The following AXDND1 variants were observed in gnomAD, a reference collection of about 807,000 sequenced individuals.
AXDND1 encodes axonemal dynein light chain domain containing 1.
Under a neutral mutation model 137.5 loss-of-function variants are expected in AXDND1, and 110 were observed. That is an observed-to-expected ratio of 0.80 (90% CI 0.69 to 0.94). The LOEUF (loss-of-function observed/expected upper bound fraction) is 0.94, where lower values mean the gene tolerates loss of function less well. AXDND1 is among the 40% of genes least tolerant of loss of function. AXDND1 has a pLI of 0.00. For synonymous variants in AXDND1, 414 were observed against 399.7 expected (o/e 1.04, Z -0.43); for missense variants, 1,191 against 1,169.8 (o/e 1.02, Z -0.26).
intron 15 of AXDND1, among the ~76,000 whole-genome samples, chr1:179,438,537 C>T (rs1658545054): frequency 6.6e-6 from 1 of 152,120 alleles, no homozygotes; most frequent in South Asian, 2.1e-4. Context: ...ACCAAGGAAA[C>T]AATAGCAAAA....
intron 7 of AXDND1, 60 bp downstream of exon 7, chr1:179,382,816 T>C: frequency 7.7e-7 from 1 of 1,301,304 alleles, no homozygotes; most frequent in South Asian, 1.4e-5. Flanking sequence ...ACATACACAT[T>C]TCTTGGTACT....
intron 16 of AXDND1, chr1:179,456,741 C>G: frequency 1.3e-6 from 1 of 784,146 alleles, no homozygotes; most frequent in Non-Finnish European, 2.3e-6. Flanking sequence ...ACCAAAGTTT[C>G]CAGAACTACT....
Position 179,379,491 on chromosome 1 carries a change from T to C in AXDND1, c.581+9T>C, listed in dbSNP as rs182501965. On this transcript the variant is annotated intron_variant, in intron 6 of 25. Transcript: ENST00000367618. Reference sequence around the variant, plus strand: ...TTGGAGTGTTATGATGAGTGAGTACTATGATATGTAAAAAATACCTGCCCC... The same window carrying C: ...TTGGAGTGTTATGATGAGTGAGTACCATGATATGTAAAAAATACCTGCCCC... The C allele has an allele frequency of 2.3e-3, 3,663 of 1,608,598 alleles. 4 individuals are homozygous for C. Among genetic ancestry groups the C allele is most frequent in the Non-Finnish European group, 2.9e-3 (3,367 of 1,178,042 alleles).
chr1:179,483,820 C>T (rs1321075997), intron 18 of AXDND1, among the ~76,000 whole-genome samples: 2 of 151,994 alleles, frequency 1.3e-5, no homozygotes, highest in Non-Finnish European at 2.9e-5. Flanking sequence ...TTGTAAACTC[C>T]ATGAGGAATT....
At chr1:179,460,006 TCCTCTCCTTCCTTC>T (rs1168087514) in intron 16 of AXDND1, among the ~76,000 whole-genome samples, 4,024 of 136,818 alleles carry the variant, frequency 0.029, 229 homozygotes, top group African/African-American at 0.1. Context: ...CTTCCTTCCT[TCCTCTCCTTCCTTC>T]CTTCTTTCAT....
chr1:179,464,823 T>C (rs146243443), intron 16 of AXDND1, among the ~76,000 whole-genome samples: 9,564 of 152,258 alleles, frequency 0.063, 357 homozygotes, highest in African/African-American at 0.071. Context: ...CTTTTTACTC[T>C]TTTTTCTCTA....
chr1:179,551,580 T>C lies in AXDND1; in HGVS notation c.3032-2932T>C, dbSNP rs16854337. 5.4e-3 allele frequency: 5,597 copies of C among 1,045,750 alleles called. 218 individuals are homozygous for C. The African/African-American group carries it at 0.078, about 15-fold the overall frequency. 64.8% of individuals were successfully genotyped at this position (1,045,750 alleles called of 1,614,324 possible). ...GGCAAGCACGGTTAAGCATAGAACATGTTTATTCTTCTTTCTGAAGGGTCT... is the reference window on the plus strand; with the variant it reads ...GGCAAGCACGGTTAAGCATAGAACACGTTTATTCTTCTTTCTGAAGGGTCT... On this transcript the variant is annotated intron_variant, in intron 25 of 25. Coordinates refer to ENST00000367618, the MANE Select transcript of AXDND1 (RefSeq NM_144696.6).
chr1:179,458,372 C>G (rs1661725287), intron 16 of AXDND1, among the ~76,000 whole-genome samples: 1 of 151,970 alleles, frequency 6.6e-6, no homozygotes, highest in Non-Finnish European at 1.5e-5. Context: ...AATTCGAAGC[C>G]TTAGAACAAT....
intron 11 of AXDND1, among the ~76,000 whole-genome samples, chr1:179,404,066 A>G (rs12073780): frequency 0.12 from 18,390 of 152,176 alleles, 1,292 homozygotes; most frequent in East Asian, 0.35. Flanking sequence ...GTGTTTGTGT[A>G]AGTTTTGATA....
At chr1:179,409,239 G>T (rs1653472312) in intron 11 of AXDND1, among the ~76,000 whole-genome samples, 1 of 151,662 alleles carries the variant, frequency 6.6e-6, no homozygotes, top group Admixed American at 6.6e-5. Flanking sequence ...TGGCTTTCTT[G>T]ATTTCTACTG....
intron 12 of AXDND1, among the ~76,000 whole-genome samples, chr1:179,419,820 A>G (rs1655403964): frequency 6.6e-6 from 1 of 152,134 alleles, no homozygotes; most frequent in Admixed American, 6.5e-5. Context: ...AATATATTGA[A>G]TTTGTTTTTC....
Position 179,460,183 on chromosome 1 carries a change from C to T in AXDND1, c.1799-8260C>T, listed in dbSNP as rs1163804387. On this transcript the variant is annotated intron_variant, in intron 16 of 25. Transcript: ENST00000367618. ...CATTAGGTGTATCTCCTAATGCTCT[C>T]GCTCCCACCTCCCCCCACCCCACGA... Among the ~76,000 whole-genome samples the T allele has an allele frequency of 3.3e-5, 5 of 152,076 alleles. No individual in the cohort carries two copies. The East Asian group carries it at 5.8e-4, about 18-fold the overall frequency.
chr1:179,383,347 T>C (rs1001997905), intron 7 of AXDND1, 95 bp from the exon 8 acceptor site: 11 of 876,194 alleles, frequency 1.3e-5, no homozygotes, highest in Non-Finnish European at 2.0e-5. Flanking sequence ...CCAGAGAGCA[T>C]ATATATTCTC....
At chr1:179,456,704 C>G (rs1661457628) in intron 16 of AXDND1, 13 of 784,494 alleles carry the variant, frequency 1.7e-5, no homozygotes, top group Non-Finnish European at 2.7e-5. Context: ...AGTTGTCATT[C>G]CCACTGAAAC....
intron 6 of AXDND1, 87 bp from the exon 7 acceptor site, chr1:179,382,613 C>A: frequency 1.1e-6 from 1 of 911,262 alleles, no homozygotes; most frequent in Non-Finnish European, 1.7e-6. Context: ...TACTTAGAAA[C>A]CAAGATTCTG....
chr1:179,477,347 A>G (rs1294072141), intron 17 of AXDND1, among the ~76,000 whole-genome samples: 3 of 152,178 alleles, frequency 2.0e-5, no homozygotes, highest in Admixed American at 6.5e-5. Context: ...AGACATACCC[A>G]AGACTGGGCA....
At position 179,385,272 on chromosome 1, in the gene AXDND1, A is replaced by G. The variant is rs1371360966; in HGVS notation, c.776A>G (p.Gln259Arg). 4 of 1,611,668 alleles carry G rather than the reference A, an allele frequency of 2.5e-6. No homozygotes were observed. Among genetic ancestry groups the G allele is most frequent in the Non-Finnish European group, 3.4e-6 (4 of 1,177,880 alleles). ...CTACTACATATATTGAAGAAGGAAC[A>G]GACCATTTACAACATGATATTTCAT... ...HKLLHILKKE[Q>R]TIYNMIFHEL... The change falls in exon 9 of 26, where the codon CAG (glutamine) becomes CGG (arginine). Residue 259 changes from glutamine (Q) to arginine (R), a missense_variant. Coordinates refer to ENST00000367618, the MANE Select transcript of AXDND1 (RefSeq NM_144696.6).
At chr1:179,428,168 A>G (rs542418705) in intron 12 of AXDND1, among the ~76,000 whole-genome samples, 1 of 152,348 alleles carries the variant, frequency 6.6e-6, no homozygotes, top group East Asian at 1.9e-4. Context: ...GCACATTGAC[A>G]TTTTCAGAGG....
intron 23 of AXDND1, among the ~76,000 whole-genome samples, 168 bp from the exon 24 acceptor site, chr1:179,533,626 CT>C (rs66461504): frequency 0.15 from 19,755 of 136,038 alleles, 1,802 homozygotes; most frequent in African/African-American, 0.29. Context: ...GAGACAATCC[CT>C]TTTTTTTTTT....
Sources: allele counts gnomAD v4.1 joint callset (sites outside exome capture counted in the v4.1 genomes callset), GRCh38; gene constraint gnomAD v4.1.1; transcripts MANE v1.5; gene names NCBI Gene and HGNC (gene_info 2026-07-23, HGNC 2026-07-21).